ZNF609: variants seen among roughly 807,000 people sequenced by gnomAD.
ZNF609 encodes zinc finger protein 609.
ZNF609 carries 11 observed loss-of-function variants against 109.5 expected under a neutral mutation model. That is an observed-to-expected ratio of 0.10 (90% CI 0.06 to 0.17). ZNF609 has a LOEUF of 0.17. ZNF609 is among the 10% of genes least tolerant of loss of function. ZNF609 has a pLI of 1.00. For missense variants in ZNF609, 1,559 were observed against 1,772.4 expected (o/e 0.88, Z 2.16); for synonymous variants, 646 against 662.0 (o/e 0.98, Z 0.37).
intron 2 of ZNF609, among the ~76,000 whole-genome samples, chr15:64,563,928 G>T (rs890785441): frequency 6.6e-6 from 1 of 152,106 alleles, no homozygotes; most frequent in Non-Finnish European, 1.5e-5. Context: ...CTGTCACCCA[G>T]GCTGGAGCGC....
intron 3 of ZNF609, among the ~76,000 whole-genome samples, chr15:64,636,912 T>C (rs140391075): frequency 2.2e-4 from 33 of 152,354 alleles, no homozygotes; most frequent in Non-Finnish European, 4.9e-4. Context: ...TATTAATAAG[T>C]CTTACTGAAA....
intron 2 of ZNF609, among the ~76,000 whole-genome samples, chr15:64,572,449 A>G (rs1894873711): frequency 6.6e-6 from 1 of 152,060 alleles, no homozygotes; most frequent in African/African-American, 2.4e-5. Context: ...TTTTCTCCAT[A>G]ACACTTATTA....
rs1007521230 is a variant in ZNF609, at chr15:64,627,636, C to T, written c.973+4584C>T. On this transcript the variant is annotated intron_variant, in intron 3 of 9. Coordinates refer to ENST00000326648, the MANE Select transcript of ZNF609 (RefSeq NM_015042.2). The stretch of plus-strand genomic sequence containing the variant: ...AACTAGGTGACCAATTAGGACCTGA[C>T]AGTTCTTTTTAGTTCTTTTTTTCTT... Among the ~76,000 whole-genome samples the T allele has an allele frequency of 2.8e-5, 4 of 143,716 alleles. No homozygotes were observed. In the South Asian group the frequency reaches 6.7e-4, roughly 24 times the overall value. 94.3% of individuals were successfully genotyped at this position (143,716 alleles called of 152,430 possible).
At chr15:64,528,603 C>T in intron 2 of ZNF609, 1 of 690,050 alleles carries the variant, frequency 1.4e-6, no homozygotes. Flanking sequence ...ATGGCAGGGA[C>T]TCCCCAGCAG....
intron 2 of ZNF609, among the ~76,000 whole-genome samples, chr15:64,542,850 C>T (rs1364074448): frequency 6.6e-6 from 1 of 152,216 alleles, no homozygotes; most frequent in Non-Finnish European, 1.5e-5. Context: ...TCTAGCATCT[C>T]TCCAGTCCAT....
At chr15:64,482,564 G>C (rs1893271134) in intron 1 of ZNF609, among the ~76,000 whole-genome samples, 1 of 152,086 alleles carries the variant, frequency 6.6e-6, no homozygotes, top group Non-Finnish European at 1.5e-5. Context: ...TTCAGATGTG[G>C]TTCTGTCCAT....
intron 3 of ZNF609, among the ~76,000 whole-genome samples, chr15:64,653,759 A>G (rs1268458611): frequency 6.6e-6 from 1 of 152,240 alleles, no homozygotes; most frequent in East Asian, 1.9e-4. Flanking sequence ...TTTGAATAGT[A>G]GCTCCTTGCA....
intron 2 of ZNF609, among the ~76,000 whole-genome samples, chr15:64,603,443 A>G (rs1453447188): frequency 1.3e-5 from 2 of 151,370 alleles, no homozygotes; most frequent in Non-Finnish European, 2.9e-5. Context: ...TAATTTTTAT[A>G]TTTTTAGTAG....
chr15:64,604,256 A>T (rs1220127985), intron 2 of ZNF609, among the ~76,000 whole-genome samples: 2 of 152,246 alleles, frequency 1.3e-5, no homozygotes, highest in African/African-American at 2.4e-5. Flanking sequence ...AAGAATGCTT[A>T]CTAGGAACCA....
chr15:64,549,433 C>T (rs2140390845), intron 2 of ZNF609, among the ~76,000 whole-genome samples: 1 of 152,274 alleles, frequency 6.6e-6, no homozygotes, highest in African/African-American at 2.4e-5. Flanking sequence ...ACCAAGGCCT[C>T]CCAAAGTGCT....
In ZNF609 at chr15:64,675,289, G is replaced by A. The variant is rs182000412; in HGVS notation, c.2435G>A (p.Arg812His). The change falls in exon 5 of 10, where the codon CGC becomes CAC. Residue 812 changes from arginine (R) to histidine (H), a missense_variant. Transcript: ENST00000326648. ...APSPSIGGSS[R>H]LENTTPTQPL... is the part of the protein sequence containing the mutation. ...AGCCCTTCCATTGGAGGCAGTAGCCGCCTTGAAAACACTACCCCTACTCAG... is the reference window on the plus strand; with the variant it reads ...AGCCCTTCCATTGGAGGCAGTAGCCACCTTGAAAACACTACCCCTACTCAG... The A allele has an allele frequency of 1.4e-5, 22 of 1,614,054 alleles. No individual in the cohort carries two copies. The highest frequency in any genetic ancestry group is 1.1e-4 in the South Asian group (10 of 91,082).
chr15:64,614,027 G>A (rs553358335), intron 2 of ZNF609, among the ~76,000 whole-genome samples: 12 of 148,992 alleles, frequency 8.1e-5, no homozygotes, highest in South Asian at 6.4e-4. Flanking sequence ...AGGTTCAAGC[G>A]ATTCTTGTGC....
chr15:64,500,263 A>C (rs766460545), intron 2 of ZNF609, 97 bp downstream of exon 2: 5 of 1,490,788 alleles, frequency 3.4e-6, no homozygotes, highest in African/African-American at 1.4e-5. Flanking sequence ...GAGGCTCATT[A>C]GTGTGTGGGT....
At chr15:64,509,961 C>T (rs1029453462) in intron 2 of ZNF609, among the ~76,000 whole-genome samples, 3 of 152,142 alleles carry the variant, frequency 2.0e-5, no homozygotes, top group African/African-American at 4.8e-5. Context: ...TGTTTTTGCT[C>T]TCTGTGATTT....
intron 1 of ZNF609, among the ~76,000 whole-genome samples, chr15:64,483,940 C>T (rs1194881668): frequency 7.2e-5 from 11 of 152,038 alleles, no homozygotes; most frequent in Admixed American, 7.2e-4. Flanking sequence ...TTGAGTTTTT[C>T]TGCCTGCTTA....
chr15:64,632,537 C>T (rs1245457712), intron 3 of ZNF609, among the ~76,000 whole-genome samples: 1 of 151,300 alleles, frequency 6.6e-6, no homozygotes, highest in East Asian at 1.9e-4. Flanking sequence ...GCTAGGGTGC[C>T]GTGGTGCAAT....
intron 2 of ZNF609, among the ~76,000 whole-genome samples, chr15:64,539,526 CAG>C (rs1375629726): frequency 8.2e-6 from 1 of 121,526 alleles, no homozygotes; most frequent in Non-Finnish European, 1.8e-5. Context: ...ATTTTTGAGA[CAG>C]AGTCTCACTC....
At chr15:64,503,419 A>G (rs1893589831) in intron 2 of ZNF609, among the ~76,000 whole-genome samples, 1 of 152,068 alleles carries the variant, frequency 6.6e-6, no homozygotes, top group East Asian at 1.9e-4. Flanking sequence ...TGATTGATGG[A>G]TTGTTAAGTT....
chr15:64,489,060 G>A (rs1400218433), intron 1 of ZNF609, among the ~76,000 whole-genome samples: 2 of 151,894 alleles, frequency 1.3e-5, no homozygotes, highest in South Asian at 2.1e-4. Context: ...GCTTGTGTTT[G>A]TTTGCACCAC....
Sources: gnomAD v4.1 joint callset for allele counts (sites outside exome capture counted in the v4.1 genomes callset) on GRCh38, gnomAD v4.1.1 for gene constraint, MANE v1.5 for transcripts, NCBI Gene and HGNC (gene_info 2026-07-23, HGNC 2026-07-21) for gene names.